ENDOV: variants seen among roughly 807,000 people sequenced by gnomAD.
ENDOV encodes endonuclease V.
Under a neutral mutation model 39.4 loss-of-function variants are expected in ENDOV, and 37 were observed. That is an observed-to-expected ratio of 0.94 (90% CI 0.72 to 1.23). The LOEUF (loss-of-function observed/expected upper bound fraction) is 1.23, where lower values mean the gene tolerates loss of function less well. Ranked by LOEUF, ENDOV falls within the 50% of genes most tolerant of loss-of-function variation. ENDOV has a pLI of 0.00. For synonymous variants in ENDOV, 186 were observed against 163.4 expected (o/e 1.14, Z -1.05); for missense variants, 441 against 375.7 (o/e 1.17, Z -1.44).
chr17:80,435,142 T>C (rs990520697), intron 9 of ENDOV, among the ~76,000 whole-genome samples: 3 of 152,204 alleles, frequency 2.0e-5, no homozygotes, highest in Non-Finnish European at 2.9e-5. Flanking sequence ...ATCCTAGATA[T>C]TGATCACTTC....
intron 1 of ENDOV, 126 bp downstream of exon 1, chr17:80,415,376 G>C: frequency 3.2e-6 from 4 of 1,243,216 alleles, no homozygotes; most frequent in Non-Finnish European, 4.5e-6. Context: ...CCAAAGCAAA[G>C]CCCAGTTTCC....
chr17:80,427,458 A>G, intron 7 of ENDOV: 1 of 985,458 alleles, frequency 1.0e-6, no homozygotes, highest in South Asian at 4.7e-5. Flanking sequence ...AAATAGAGCA[A>G]GGATCTGTGC....
intron 9 of ENDOV, among the ~76,000 whole-genome samples, chr17:80,432,322 T>C (rs563085743): frequency 7.9e-4 from 120 of 152,102 alleles, no homozygotes; most frequent in Non-Finnish European, 1.5e-3. Context: ...GCATCAGTGG[T>C]CGGAGGGAAG....
chr17:80,426,661 TA>T (rs1199555427), intron 7 of ENDOV, among the ~76,000 whole-genome samples: 1 of 152,016 alleles, frequency 6.6e-6, no homozygotes, highest in Non-Finnish European at 1.5e-5. Flanking sequence ...AAAAAAACTT[TA>T]AAAAACAAAA....
rs893633504 is a variant in ENDOV at position 80,422,928 on chromosome 17, T to C, written c.404-592T>C. Reference sequence around the variant, plus strand: ...GTTAGCCAGGATGGTCTTGATCTCCTGACCTCGTGATCCGCCTGCCTCGGC... The same window carrying C: ...GTTAGCCAGGATGGTCTTGATCTCCCGACCTCGTGATCCGCCTGCCTCGGC... On this transcript the variant is annotated intron_variant, in intron 4 of 9. Coordinates refer to ENST00000518137, the MANE Select transcript of ENDOV (RefSeq NM_173627.5). 3.3e-5 allele frequency among the ~76,000 whole-genome samples: 5 copies of C among 152,090 alleles called. No homozygotes were observed. In the South Asian group the frequency reaches 1.0e-3, roughly 32 times the overall value.
chr17:80,423,416 C>A, intron 4 of ENDOV, 104 bp from the exon 5 acceptor site: 1 of 1,123,298 alleles, frequency 8.9e-7, no homozygotes, highest in African/African-American at 1.6e-5. Context: ...GTCCACAGAC[C>A]TCTGCTCACT....
chr17:80,421,908 C>T lies in ENDOV; in HGVS notation c.309C>T (p.Phe103=). ...TCCTGGCCTTCCGAGAGGTGCCCTTCTTGCTGGAGCTGGTGCAGCAGCTGC... is the reference window on the plus strand; with the variant it reads ...TCCTGGCCTTCCGAGAGGTGCCCTTTTTGCTGGAGCTGGTGCAGCAGCTGC... ...SGFLAFREVP[F]LLELVQQLRE... is the part of the protein sequence containing the mutation. Residue 103 remains phenylalanine, a synonymous_variant, in exon 3 of 10, where the codon TTC becomes TTT. Transcript: ENST00000518137. The T allele has an allele frequency of 6.2e-7, 1 of 1,611,144 alleles. No individual in the cohort carries two copies. The highest frequency in any genetic ancestry group is 1.1e-5 in the South Asian group (1 of 90,406).
In ENDOV at chr17:80,415,620, C is replaced by T. The variant is rs1201255358; in HGVS notation, c.57-30C>T. Reference sequence around the variant, plus strand: ...GGAGGCAGAGTCTGAGGTGTGACCCCGACCAAGTTTGACGCTTCTGTCCTC... The same window carrying T: ...GGAGGCAGAGTCTGAGGTGTGACCCTGACCAAGTTTGACGCTTCTGTCCTC... On this transcript the variant is annotated intron_variant, in intron 1 of 9. Coordinates refer to ENST00000518137, the MANE Select transcript of ENDOV (RefSeq NM_173627.5). The T allele has an allele frequency of 2.5e-6, 4 of 1,605,694 alleles. No individual in the cohort carries two copies. The South Asian group carries it at 4.5e-5, about 18-fold the overall frequency.
chr17:80,423,571 G>C lies in ENDOV; in HGVS notation c.455G>C (p.Gly152Ala), dbSNP rs1196333891. 3.9e-6 allele frequency: 6 copies of C among 1,558,010 alleles called. No homozygotes were observed. The highest frequency in any genetic ancestry group is 2.4e-5 in the South Asian group (2 of 84,346). Residue 152 changes from glycine (G) to alanine (A), a missense_variant, in exon 5 of 10, where the codon GGG becomes GCG. Physicochemically the swap from Gly to Ala is moderately conservative, Grantham distance 60. Transcript: ENST00000518137. Reference protein sequence around the residue: ...LGVLTDLPCVGVAKKLLQVDG... With the variant: ...LGVLTDLPCVAVAKKLLQVDG... ...GTCCTTACAGACCTGCCGTGTGTTG[G>C]GGTGGCCAAGAAACTTCTGCAGGTG...
At chr17:80,421,622 G>A (rs1197611468) in intron 2 of ENDOV, among the ~76,000 whole-genome samples, 1 of 152,128 alleles carries the variant, frequency 6.6e-6, no homozygotes, top group African/African-American at 2.4e-5. Flanking sequence ...CCAGGTCCCG[G>A]GGGTACCTGC....
intron 7 of ENDOV, among the ~76,000 whole-genome samples, chr17:80,426,957 T>C (rs543488442): frequency 3.3e-5 from 5 of 152,216 alleles, no homozygotes; most frequent in Non-Finnish European, 5.9e-5. Flanking sequence ...CCGCTTGCCC[T>C]GCAGCCTGCC....
In ENDOV at chr17:80,415,710, C is replaced by T. The variant is rs1328327694; in HGVS notation, c.117C>T (p.Asp39=). The T allele has an allele frequency of 2.5e-6, 4 of 1,610,930 alleles. No homozygotes were observed. The highest frequency in any genetic ancestry group is 3.4e-5 in the Admixed American group (2 of 59,574). The change falls in exon 2 of 10, where the codon GAC becomes GAT. Residue 39 remains aspartate (D), a synonymous_variant. Transcript: ENST00000518137. ...GGGACACCGAGGCGTGGCAGCGAGA[C>T]CCCGCCTTCTCGGGTCTGCAGAGGG... ...VDRDTEAWQR[D]PAFSGLQRVG...
chr17:80,415,733 G>A lies in ENDOV; in HGVS notation c.140G>A (p.Arg47Lys), dbSNP rs2144755943. 1 of 1,608,610 alleles carries A rather than the reference G, an allele frequency of 6.2e-7. No homozygotes were observed. Among genetic ancestry groups the A allele is most frequent in the Non-Finnish European group, 8.5e-7 (1 of 1,177,686 alleles). The change falls in exon 2 of 10, where the codon AGG becomes AAG. Residue 47 changes from arginine (R) to lysine (K), a missense_variant. Transcript: ENST00000518137. ...GACCCCGCCTTCTCGGGTCTGCAGA[G>A]GGTCGGGGGCGTTGACGTGTCCTTC... Reference protein sequence around the residue: ...QRDPAFSGLQRVGGVDVSFVK... With the variant: ...QRDPAFSGLQKVGGVDVSFVK...
chr17:80,435,053 C>T (rs147088590), intron 9 of ENDOV, among the ~76,000 whole-genome samples: 311 of 152,298 alleles, frequency 2.0e-3, no homozygotes, highest in African/African-American at 7.2e-3. Context: ...GTGAGCAAAG[C>T]ATCTATTCAA....
At chr17:80,423,812 G>A (rs1300181147) in intron 5 of ENDOV, 180 bp downstream of exon 5, 1 of 616,820 alleles carries the variant, frequency 1.6e-6, no homozygotes, top group African/African-American at 1.9e-5. Flanking sequence ...GCCTGTCTCA[G>A]CTGAGGGCGC....
chr17:80,433,638 A>C (rs1336244907), intron 9 of ENDOV, among the ~76,000 whole-genome samples: 1 of 152,234 alleles, frequency 6.6e-6, no homozygotes, highest in Admixed American at 6.5e-5. Flanking sequence ...ACTGCCTGGC[A>C]TGTGGTAGGC....
intron 5 of ENDOV, 188 bp downstream of exon 5, chr17:80,423,820 C>A: frequency 3.3e-6 from 2 of 598,482 alleles, no homozygotes; most frequent in Non-Finnish European, 5.8e-6. Context: ...CAGCTGAGGG[C>A]GCTCTGAGCT....
chr17:80,432,994 T>C (rs41301930), intron 9 of ENDOV, among the ~76,000 whole-genome samples: 1 of 152,118 alleles, frequency 6.6e-6, no homozygotes, highest in African/African-American at 2.4e-5. Context: ...CCCAAGCCAG[T>C]AGGACCCTTG....
intron 5 of ENDOV, among the ~76,000 whole-genome samples, chr17:80,424,811 C>T (rs1001538516): frequency 2.0e-5 from 3 of 152,094 alleles, no homozygotes; most frequent in Non-Finnish European, 2.9e-5. Flanking sequence ...AAAAATTAGC[C>T]GGGCGTGGTG....
Sources: allele counts gnomAD v4.1 joint callset (sites outside exome capture counted in the v4.1 genomes callset), GRCh38; gene constraint gnomAD v4.1.1; transcripts MANE v1.5; gene names NCBI Gene and HGNC (gene_info 2026-07-23, HGNC 2026-07-21).